PSPC1: variants seen among roughly 807,000 people sequenced by gnomAD.
The protein encoded by PSPC1 is paraspeckle protein 1.
PSPC1 carries 14 observed loss-of-function variants against 51.6 expected under a neutral mutation model. The ratio of observed to expected loss-of-function variants is 0.27; its 90% confidence interval spans 0.18 to 0.42. PSPC1 has a LOEUF of 0.42. Among genes scored for constraint, PSPC1 ranks in the 10% least tolerant of loss-of-function variants. The probability of loss-of-function intolerance (pLI) is 1.00; values close to 1 mark genes in which losing one functional copy is unlikely to be tolerated. For synonymous variants in PSPC1, 193 were observed against 231.9 expected, an observed-to-expected ratio of 0.83 and a Z score of 1.53; for missense variants, 406 against 701.1, an observed-to-expected ratio of 0.58 and a Z score of 4.75.
At chr13:19,780,197 G>GC (rs1329646214) in intron 1 of PSPC1, among the ~76,000 whole-genome samples, 2 of 126,888 alleles carry the variant, frequency 1.6e-5, no homozygotes, top group African/African-American at 2.7e-5. Flanking sequence ...GGGGGGGTCA[G>GC]CCCCCCCGCC....
downstream of PSPC1, chr13:19,671,305 T>TCACATTTAGTGTCACTA (rs1353457929): frequency 1.9e-6 from 3 of 1,592,930 alleles, no homozygotes; most frequent in African/African-American, 4.0e-5. Context: ...AGTCCTTTCT[T>TCACATTTAGTGTCACTA]CACATTTAGT....
At chr13:19,694,571 T>C (rs9579662) in intron 6 of PSPC1, among the ~76,000 whole-genome samples, 15,268 of 152,228 alleles carry the variant, frequency 0.1, 878 homozygotes, top group African/African-American at 0.16. Context: ...CAAAAATACT[T>C]AACTGTATTT....
intron 7 of PSPC1, among the ~76,000 whole-genome samples, chr13:19,676,174 A>G (rs1334651823): frequency 5.3e-5 from 8 of 152,126 alleles, no homozygotes; most frequent in Admixed American, 5.2e-4. Context: ...CCTTTCCCAT[A>G]TATTTCCTTA....
chr13:19,732,168 C>T (rs975907183), intron 5 of PSPC1, among the ~76,000 whole-genome samples: 12 of 152,140 alleles, frequency 7.9e-5, no homozygotes, highest in Non-Finnish European at 1.6e-4. Flanking sequence ...AGGGATTTCA[C>T]GCAAAATCTG....
chr13:19,694,356 C>G (rs1878961848), intron 6 of PSPC1, among the ~76,000 whole-genome samples: 1 of 151,490 alleles, frequency 6.6e-6, no homozygotes, highest in African/African-American at 2.4e-5. Flanking sequence ...TATTTCAAAC[C>G]ACATGTGAAA....
rs544308334 is a variant in PSPC1, at chr13:19,688,542, T to C, written c.1159-10719A>G. On this transcript the variant is annotated intron_variant and NMD_transcript_variant, in intron 6 of 7. Coordinates refer to the PSPC1 transcript ENST00000471658. ...CATCCTTTCTTTCTCCCTTAAGATC[T>C]TTTCTGCATTGTTTCATAATTAATG... Among the ~76,000 whole-genome samples, 4 of 152,328 alleles carry C rather than the reference T, an allele frequency of 2.6e-5. No homozygotes were observed. In the South Asian group the frequency reaches 8.3e-4, roughly 32 times the overall value.
chr13:19,751,491 G>C (rs900164767), intron 3 of PSPC1, 24 bp from the exon 4 acceptor site: 5 of 1,437,084 alleles, frequency 3.5e-6, no homozygotes, highest in East Asian at 4.9e-5. Flanking sequence ...AAAACATACA[G>C]AAATGTATGC....
intron 6 of PSPC1, among the ~76,000 whole-genome samples, chr13:19,697,076 A>G (rs1387982141): frequency 6.6e-6 from 1 of 152,196 alleles, no homozygotes; most frequent in African/African-American, 2.4e-5. Flanking sequence ...TCTACAGTGT[A>G]CTGGGACAGT....
chr13:19,682,270 A>C (rs1877351913), intron 6 of PSPC1, among the ~76,000 whole-genome samples: 1 of 152,206 alleles, frequency 6.6e-6, no homozygotes, highest in South Asian at 2.1e-4. Flanking sequence ...TGTAATATGA[A>C]CATTCAATTC....
At chr13:19,776,517 A>T (rs771293552) in intron 1 of PSPC1, among the ~76,000 whole-genome samples, 50 of 146,196 alleles carry the variant, frequency 3.4e-4, no homozygotes, top group Non-Finnish European at 6.8e-4. Context: ...CTATATGCAA[A>T]TTTTTTTTTT....
At chr13:19,730,817 G>A (rs188116800) in intron 5 of PSPC1, among the ~76,000 whole-genome samples, 6 of 151,808 alleles carry the variant, frequency 4.0e-5, no homozygotes, top group African/African-American at 9.7e-5. Flanking sequence ...AATTAGCCAG[G>A]TGTGTTATAA....
chr13:19,766,067 AAG>A (rs1222389100), intron 2 of PSPC1, among the ~76,000 whole-genome samples: 1 of 152,198 alleles, frequency 6.6e-6, no homozygotes, highest in Non-Finnish European at 1.5e-5. Context: ...GTGTGCAGAA[AAG>A]AGTTTTAAAA....
intron 2 of PSPC1, among the ~76,000 whole-genome samples, chr13:19,769,723 G>T (rs953267151): frequency 2.0e-5 from 3 of 151,618 alleles, no homozygotes; most frequent in Admixed American, 6.6e-5. Flanking sequence ...CAACAAGAGC[G>T]AAAACTCCGT....
At chr13:19,769,579 C>T (rs1213028060) in intron 2 of PSPC1, among the ~76,000 whole-genome samples, 1 of 145,764 alleles carries the variant, frequency 6.9e-6, no homozygotes, top group Admixed American at 6.8e-5. Context: ...TTACTAAAAA[C>T]ACAAAATTAG....
chr13:19,705,000 T>C (rs1189069412), intron 8 of PSPC1, among the ~76,000 whole-genome samples: 2 of 152,214 alleles, frequency 1.3e-5, no homozygotes, highest in East Asian at 1.9e-4. Flanking sequence ...TTCATACATA[T>C]TGGACTTTTG....
At chr13:19,688,367 G>A (rs1039496129) in intron 6 of PSPC1, among the ~76,000 whole-genome samples, 8 of 151,794 alleles carry the variant, frequency 5.3e-5, no homozygotes, top group African/African-American at 1.9e-4. Context: ...CTGATAACAA[G>A]ATGTATGCTT....
intron 6 of PSPC1, among the ~76,000 whole-genome samples, chr13:19,724,279 A>G (rs1242639603): frequency 6.6e-6 from 1 of 152,242 alleles, no homozygotes; most frequent in Non-Finnish European, 1.5e-5. Flanking sequence ...TTAGTAAATA[A>G]CAACAGGATC....
At chr13:19,701,434 C>T (rs1593562684), downstream of PSPC1, among the ~76,000 whole-genome samples, 2 of 151,794 alleles carry the variant, frequency 1.3e-5, no homozygotes, top group South Asian at 4.2e-4. Context: ...TCCCACTCTC[C>T]ATCACCTCAT....
intron 6 of PSPC1, chr13:19,677,946 G>GTGCT (rs1279638972): frequency 2.5e-6 from 1 of 393,804 alleles, no homozygotes; most frequent in Non-Finnish European, 5.1e-6. Context: ...ATACCATGTA[G>GTGCT]TGCTGCGTGC....
Sources: gnomAD v4.1 joint callset for allele counts (sites outside exome capture counted in the v4.1 genomes callset) on GRCh38, gnomAD v4.1.1 for gene constraint, MANE v1.5 for transcripts, NCBI Gene and HGNC (gene_info 2026-07-23, HGNC 2026-07-21) for gene names.